CDH8: variants seen among roughly 807,000 people sequenced by gnomAD.
CDH8 encodes the protein cadherin-8.
Under a neutral mutation model 68.1 loss-of-function variants are expected in CDH8, and 17 were observed. That is an observed-to-expected ratio of 0.25 (90% CI 0.17 to 0.37). CDH8 has a LOEUF of 0.37. Among genes scored for constraint, CDH8 ranks in the 10% least tolerant of loss-of-function variants. The pLI, the probability that CDH8 is intolerant of heterozygous loss-of-function variation, is 1.00. For synonymous variants in CDH8, 372 were observed against 365.1 expected, an observed-to-expected ratio of 1.02 and a Z score of -0.21; for missense variants, 763 against 999.3, an observed-to-expected ratio of 0.76 and a Z score of 3.19.
chr16:61,718,952 T>C (rs1352134135), intron 9 of CDH8, among the ~76,000 whole-genome samples: 1 of 150,736 alleles, frequency 6.6e-6, no homozygotes, highest in Non-Finnish European at 1.5e-5. Context: ...AGAAATTTTA[T>C]CAAAATCTAC....
intron 7 of CDH8, among the ~76,000 whole-genome samples, chr16:61,816,994 G>A (rs1339315827): frequency 6.6e-6 from 1 of 151,986 alleles, no homozygotes; most frequent in East Asian, 1.9e-4. Flanking sequence ...AACACCAAAT[G>A]CAGAAATAAA....
At chr16:61,674,408 C>T (rs1300803342) in intron 10 of CDH8, among the ~76,000 whole-genome samples, 1 of 149,540 alleles carries the variant, frequency 6.7e-6, no homozygotes, top group African/African-American at 2.5e-5. Flanking sequence ...GAGCCGAGAT[C>T]GTGCCACTGC....
chr16:61,820,634 T>A (rs1596995764), intron 6 of CDH8, among the ~76,000 whole-genome samples: 1 of 151,980 alleles, frequency 6.6e-6, no homozygotes, highest in Non-Finnish European at 1.5e-5. Context: ...CCCCACATAA[T>A]TGAAGTGCCC....
At chr16:62,018,158 A>C (rs752669047) in intron 2 of CDH8, among the ~76,000 whole-genome samples, 16 of 152,234 alleles carry the variant, frequency 1.1e-4, no homozygotes, top group Non-Finnish European at 2.4e-4. Flanking sequence ...GAAAGTGGCC[A>C]AGCTCATATT....
intron 4 of CDH8, among the ~76,000 whole-genome samples, chr16:61,828,686 A>G (rs1366937746): frequency 9.9e-5 from 15 of 151,914 alleles, no homozygotes; most frequent in South Asian, 8.3e-4. Flanking sequence ...GGTCAACCAT[A>G]TATTTTCAAG....
chr16:61,732,160 G>C (rs1667612374), intron 8 of CDH8, among the ~76,000 whole-genome samples: 1 of 151,578 alleles, frequency 6.6e-6, no homozygotes, highest in Admixed American at 6.6e-5. Context: ...ATAGTAATGA[G>C]AGAAGAAAAG....
rs751019482 is a variant in CDH8, at chr16:61,901,195, T to C, written c.531A>G (p.Pro177=). 3 of 1,613,512 alleles carry C rather than the reference T, an allele frequency of 1.9e-6. No individual in the cohort carries two copies. The East Asian group carries it at 6.7e-5, about 36-fold the overall frequency. ...CATACATACCCAAAATGGACATTTC[T>C]GGCACAGTAGCATGATAGGGTCCAT... The part of the protein sequence containing the change: ...FLNGPYHATV[P]EMSILGTSVT... The change falls in exon 3 of 12, where the codon CCA becomes CCG. Residue 177 remains proline, a synonymous_variant. Transcript: ENST00000577390.
chr16:61,801,625 A>G lies in CDH8; in HGVS notation c.1278-12143T>C, dbSNP rs567488966. On this transcript the variant is annotated intron_variant, in intron 7 of 11. Coordinates refer to ENST00000577390, the MANE Select transcript of CDH8 (RefSeq NM_001796.5). Reference sequence around the variant, plus strand: ...TGGGTGCGTGCACCATGCGCGAGCCAAAGCAGGGCGAGGCATTGCCTCACC... The same window carrying G: ...TGGGTGCGTGCACCATGCGCGAGCCGAAGCAGGGCGAGGCATTGCCTCACC... Among the ~76,000 whole-genome samples the G allele has an allele frequency of 2.3e-4, 35 of 152,306 alleles. 1 individual carries two copies. Among genetic ancestry groups the G allele is most frequent in the Admixed American group, 7.8e-4 (12 of 15,304 alleles).
At chr16:61,747,990 T>C (rs1219589487) in intron 8 of CDH8, among the ~76,000 whole-genome samples, 1 of 152,082 alleles carries the variant, frequency 6.6e-6, no homozygotes, top group Non-Finnish European at 1.5e-5. Context: ...ACCAGTTTGA[T>C]GTAGATTTTT....
chr16:61,964,534 ATT>A (rs35337966), intron 2 of CDH8, among the ~76,000 whole-genome samples: 1 of 148,866 alleles, frequency 6.7e-6, no homozygotes, highest in Non-Finnish European at 1.5e-5. Flanking sequence ...AAGCTGAGAG[ATT>A]TTTTTTTTTT....
chr16:61,907,783 G>A lies in CDH8; in HGVS notation c.253-6310C>T, dbSNP rs377003314. Among the ~76,000 whole-genome samples, 13 of 152,184 alleles carry A rather than the reference G, an allele frequency of 8.5e-5. No homozygotes were observed. The East Asian group carries it at 9.7e-4, about 11-fold the overall frequency. On this transcript the variant is annotated intron_variant, in intron 2 of 11. Transcript: ENST00000577390. ...ACAGGGGCCAGACACGGTGGCTCAC[G>A]CCTGTAATCCCAGCACTTTGGGAGG...
chr16:61,667,075 T>C (rs1216697309), intron 10 of CDH8: 3 of 151,988 alleles, frequency 2.0e-5, no homozygotes, highest in African/African-American at 4.8e-5. Context: ...TAATTGAAAG[T>C]GTACCAACAT....
rs1032322444 is a variant in CDH8 at position 62,025,632 on chromosome 16, C to T, written c.-199-4030G>A. Among the ~76,000 whole-genome samples the T allele has an allele frequency of 3.9e-5, 6 of 152,066 alleles. No individual in the cohort carries two copies. In the East Asian group the frequency reaches 5.8e-4, roughly 15 times the overall value. ...TCTAGAGACTGAAACACTTATATGC[C>T]ATCTCTTAGATTTTGCCAAATTCTT... is the stretch of plus-strand genomic sequence containing the variant. On this transcript the variant is annotated intron_variant, in intron 1 of 11. Transcript: ENST00000577390.
intron 10 of CDH8, among the ~76,000 whole-genome samples, chr16:61,707,709 G>C (rs1202357943): frequency 6.6e-6 from 1 of 152,078 alleles, no homozygotes; most frequent in Non-Finnish European, 1.5e-5. Flanking sequence ...GCAAACTTCT[G>C]TGCTGTAATG....
chr16:61,988,082 C>A (rs975000601), intron 2 of CDH8, among the ~76,000 whole-genome samples: 2 of 152,052 alleles, frequency 1.3e-5, no homozygotes, highest in African/African-American at 2.4e-5. Context: ...ATCATTGTTA[C>A]AATACTCAGA....
chr16:61,922,076 C>T (rs1202270580), intron 2 of CDH8, among the ~76,000 whole-genome samples: 1 of 151,972 alleles, frequency 6.6e-6, no homozygotes, highest in Non-Finnish European at 1.5e-5. Context: ...TCTTCAGAGA[C>T]AAATGAAATA....
At chr16:61,943,199 C>T (rs1430170071) in intron 2 of CDH8, among the ~76,000 whole-genome samples, 1 of 152,178 alleles carries the variant, frequency 6.6e-6, no homozygotes, top group South Asian at 2.1e-4. Flanking sequence ...TATTCTCCAA[C>T]CTGAGACACT....
Position 62,010,829 on chromosome 16 carries a change from G to T in CDH8, c.252+10323C>A, listed in dbSNP as rs1901791198. On this transcript the variant is annotated intron_variant, in intron 2 of 11. Transcript: ENST00000577390. The stretch of plus-strand genomic sequence containing the variant: ...ATGGTGGCATATGCCTGTAATCCCA[G>T]CTACTCAAGAGGCTGAGGCAGGAGA... Among the ~76,000 whole-genome samples the T allele has an allele frequency of 3.3e-5, 5 of 151,928 alleles. No individual in the cohort carries two copies. In the South Asian group the frequency reaches 1.0e-3, roughly 32 times the overall value.
chr16:61,937,977 C>T (rs1247594038), intron 2 of CDH8: 1 of 152,086 alleles, frequency 6.6e-6, no homozygotes, highest in African/African-American at 2.4e-5. Flanking sequence ...GGAGATGATA[C>T]TCTGTAAGTA....
Sources: allele counts gnomAD v4.1 joint callset (sites outside exome capture counted in the v4.1 genomes callset), GRCh38; gene constraint gnomAD v4.1.1; transcripts MANE v1.5; gene names NCBI Gene and HGNC (gene_info 2026-07-23, HGNC 2026-07-21).